TUT4: variants seen among roughly 807,000 people sequenced by gnomAD.
TUT4 encodes terminal uridylyltransferase 4.
TUT4 carries 36 observed loss-of-function variants against 192.2 expected under a neutral mutation model. The observed-to-expected ratio is 0.19, with a 90% CI of 0.14 to 0.25. The LOEUF is 0.25. Among genes scored for constraint, TUT4 ranks in the 10% least tolerant of loss-of-function variants. The pLI, the probability that TUT4 is intolerant of heterozygous loss-of-function variation, is 1.00. For missense variants in TUT4, 1,493 were observed against 1,957.2 expected, an observed-to-expected ratio of 0.76 and a Z score of 4.47; for synonymous variants, 618 against 666.0, an observed-to-expected ratio of 0.93 and a Z score of 1.11.
intron 4 of TUT4, among the ~76,000 whole-genome samples, chr1:52,508,414 C>T (rs1487478277): frequency 1.3e-5 from 2 of 151,870 alleles, no homozygotes; most frequent in Non-Finnish European, 2.9e-5. Context: ...CTGGAAAATT[C>T]CTAATTATTA....
chr1:52,548,706 A>C (rs1383121949), intron 1 of TUT4, among the ~76,000 whole-genome samples: 2 of 152,222 alleles, frequency 1.3e-5, no homozygotes, highest in Non-Finnish European at 2.9e-5. Flanking sequence ...TATCATTGTA[A>C]ATCAAATATC....
intron 8 of TUT4, among the ~76,000 whole-genome samples, chr1:52,490,313 C>T (rs1670835282): frequency 6.6e-6 from 1 of 151,874 alleles, no homozygotes; most frequent in African/African-American, 2.4e-5. Flanking sequence ...CCCACCATGC[C>T]TGGCTGATTT....
chr1:52,463,216 A>G (rs1490819061), intron 16 of TUT4: 15 of 985,358 alleles, frequency 1.5e-5, no homozygotes, highest in Non-Finnish European at 1.8e-5. Flanking sequence ...AATTTTACAT[A>G]GAAGATATCT....
At chr1:52,505,064 C>G (rs1004564618) in intron 4 of TUT4, among the ~76,000 whole-genome samples, 3 of 152,140 alleles carry the variant, frequency 2.0e-5, no homozygotes, top group Non-Finnish European at 4.4e-5. Flanking sequence ...CTCTTTGAAA[C>G]CCTGCTTTCA....
intron 12 of TUT4, 29 bp downstream of exon 12, chr1:52,477,679 T>A: frequency 6.3e-7 from 1 of 1,576,870 alleles, no homozygotes; most frequent in African/African-American, 1.4e-5. Flanking sequence ...AAAAATATTC[T>A]CCAAATGAAA....
intron 8 of TUT4, 108 bp from the exon 9 acceptor site, chr1:52,489,143 C>A: frequency 2.7e-6 from 3 of 1,103,988 alleles, no homozygotes; most frequent in South Asian, 2.8e-5. Flanking sequence ...AACATAGTAC[C>A]GTAAAAGCCC....
At position 52,465,111 on chromosome 1, in the gene TUT4, G is replaced by C; in HGVS notation, c.3028C>G (p.Leu1010Val). The change falls in exon 16 of 30, where the codon CTG (leucine) becomes GTG (valine). Residue 1010 changes from leucine to valine, a missense_variant. Leu to Val is a conservative substitution (Grantham distance 32). This residue lies in a region of TUT4 where 141 missense variants were observed against 382.7 expected (regional missense o/e 0.37). Transcript: ENST00000257177. ...CCTTCCAGGGTCATACAAATATCCA[G>C]ATCACTATCACGAAATCCAAATCCA... is the stretch of plus-strand genomic sequence containing the variant. ...KNGFGFRDSDLDICMTLEGHE... is the reference protein window; with the variant it reads ...KNGFGFRDSDVDICMTLEGHE... The C allele has an allele frequency of 6.2e-7, 1 of 1,613,716 alleles. No individual in the cohort carries two copies. The highest frequency in any genetic ancestry group is 8.5e-7 in the Non-Finnish European group (1 of 1,179,854).
chr1:52,524,523 C>CAA (rs1022366500), intron 2 of TUT4, among the ~76,000 whole-genome samples: 10 of 112,344 alleles, frequency 8.9e-5, no homozygotes, highest in African/African-American at 2.3e-4. Context: ...GACTCCATCT[C>CAA]AAAAAAAAAA....
At chr1:52,505,798 G>A (rs1396791621) in intron 4 of TUT4, among the ~76,000 whole-genome samples, 1 of 151,758 alleles carries the variant, frequency 6.6e-6, no homozygotes, top group African/African-American at 2.4e-5. Flanking sequence ...AGTTTTCTCT[G>A]TTTGCTAACA....
At chr1:52,548,395 C>T (rs1271374026) in intron 1 of TUT4, among the ~76,000 whole-genome samples, 1 of 152,136 alleles carries the variant, frequency 6.6e-6, no homozygotes, top group Non-Finnish European at 1.5e-5. Context: ...ATATTTTTAA[C>T]AACCTATGTG....
chr1:52,511,091 C>T (rs1277497098), intron 3 of TUT4, among the ~76,000 whole-genome samples: 1 of 152,160 alleles, frequency 6.6e-6, no homozygotes, highest in East Asian at 1.9e-4. Context: ...GAAACTTGCT[C>T]CAAATTTAGC....
At chr1:52,481,138 C>T (rs973252348) in intron 11 of TUT4, among the ~76,000 whole-genome samples, 38 of 152,176 alleles carry the variant, frequency 2.5e-4, no homozygotes, top group African/African-American at 8.7e-4. Context: ...GAAGTCTGGT[C>T]AGAGCCCAAC....
chr1:52,468,477 G>A, intron 14 of TUT4: 3 of 464,980 alleles, frequency 6.5e-6, no homozygotes, highest in East Asian at 7.6e-5. Flanking sequence ...CCCAGGGGAA[G>A]AAACGAAAAT....
chr1:52,529,050 T>C (rs539667878), intron 1 of TUT4, among the ~76,000 whole-genome samples: 3 of 152,296 alleles, frequency 2.0e-5, no homozygotes, highest in Admixed American at 2.0e-4. Context: ...CTACATTCTC[T>C]GCCTTGCTTT....
At position 52,460,821 on chromosome 1, in the gene TUT4, T is replaced by TA. The variant is rs1662347982; in HGVS notation, c.3321+312_3321+313insT. 5.8e-5 allele frequency: 11 copies of TA among 190,916 alleles called. No homozygotes were observed. The Admixed American group carries it at 6.0e-4, about 10-fold the overall frequency. 11.8% of individuals were successfully genotyped at this position (190,916 alleles called of 1,614,324 possible). A position where few individuals can be genotyped will look rare whatever the true frequency, so the allele number is the denominator to read the frequency against. ...TTATCACTAAACTCAAATATAAGAT[T>TA]TCTTAACTCAGAAATTCTTAACTAG... On this transcript the variant is annotated intron_variant, in intron 19 of 29. Transcript: ENST00000257177.
chr1:52,540,008 G>C (rs1686087847), intron 1 of TUT4, among the ~76,000 whole-genome samples: 1 of 151,428 alleles, frequency 6.6e-6, no homozygotes, highest in African/African-American at 2.4e-5. Flanking sequence ...CACGAGGTCA[G>C]GAGATCGAGA....
chr1:52,467,439 G>A (rs543126108), intron 15 of TUT4, among the ~76,000 whole-genome samples: 2 of 152,076 alleles, frequency 1.3e-5, no homozygotes, highest in South Asian at 4.2e-4. Flanking sequence ...TTTCTCTCAT[G>A]CCTCACATTT....
intron 6 of TUT4, among the ~76,000 whole-genome samples, chr1:52,494,104 T>C (rs1671867222): frequency 6.6e-6 from 1 of 152,074 alleles, no homozygotes; most frequent in African/African-American, 2.4e-5. Flanking sequence ...TACCTGGCCA[T>C]GTTTTACTTT....
At chr1:52,456,407 G>C (rs12089429) in intron 20 of TUT4, among the ~76,000 whole-genome samples, 2,287 of 65,906 alleles carry the variant, frequency 0.035, 67 homozygotes, top group African/African-American at 0.11. Flanking sequence ...GCGAGACTGT[G>C]TCTCAAAAAA....
Sources: allele counts gnomAD v4.1 joint callset (sites outside exome capture counted in the v4.1 genomes callset), GRCh38; gene constraint gnomAD v4.1.1; regional missense constraint gnomAD v4.1.1; transcripts MANE v1.5; gene names NCBI Gene and HGNC (gene_info 2026-07-23, HGNC 2026-07-21).